The following WWC2 variants were observed in gnomAD, a reference collection of about 807,000 sequenced individuals.
The protein encoded by WWC2 is WW and C2 domain containing 2.
A neutral mutation model predicts 138.5 loss-of-function variants in WWC2; 101 were observed. That is an observed-to-expected ratio of 0.73 (90% CI 0.62 to 0.86). The LOEUF (loss-of-function observed/expected upper bound fraction) is 0.86, where lower values mean the gene tolerates loss of function less well. WWC2 is among the 40% of genes least tolerant of loss of function. The pLI is 0.00. For synonymous variants in WWC2, 558 were observed against 538.4 expected, an observed-to-expected ratio of 1.04 and a Z score of -0.50; for missense variants, 1,420 against 1,419.4, an observed-to-expected ratio of 1.00 and a Z score of -0.01.
At chr4:183,114,462 T>C (rs1732347439) in intron 1 of WWC2, among the ~76,000 whole-genome samples, 1 of 152,160 alleles carries the variant, frequency 6.6e-6, no homozygotes, top group African/African-American at 2.4e-5. Context: ...CACCCAGATA[T>C]AGAATCTTTT....
chr4:183,236,057 C>A (rs55643182), intron 4 of WWC2, among the ~76,000 whole-genome samples: 1 of 152,118 alleles, frequency 6.6e-6, no homozygotes, highest in Non-Finnish European at 1.5e-5. Context: ...GGTCTAGATT[C>A]ATTCTTCTGC....
rs1162696133 is a variant in WWC2, at chr4:183,099,449, C to T, written c.-43C>T. On this transcript the variant is annotated 5_prime_UTR_variant, in exon 1 of 23. Coordinates refer to ENST00000403733, the MANE Select transcript of WWC2 (RefSeq NM_024949.6). ...GCCGCGTTCCCGCCGCGTCCCGCGC[C>T]CGGTACCTATGGAGGCGCCGCTCGC... 3 of 1,223,776 alleles carry T rather than the reference C, an allele frequency of 2.5e-6. No individual in the cohort carries two copies. Among genetic ancestry groups the T allele is most frequent in the African/African-American group, 1.6e-5 (1 of 62,544 alleles). The allele number at this position is 1,223,776 out of a possible 1,614,324, so 75.8% of individuals were successfully genotyped here. A position where few individuals can be genotyped will look rare whatever the true frequency, so the allele number is the denominator to read the frequency against.
chr4:183,286,348 G>A (rs939013951), intron 20 of WWC2, among the ~76,000 whole-genome samples: 2 of 152,130 alleles, frequency 1.3e-5, no homozygotes, highest in African/African-American at 4.8e-5. Context: ...GGTATCAGAC[G>A]ATGGTAGAAC....
chr4:183,191,715 A>AT (rs201197423), intron 1 of WWC2, among the ~76,000 whole-genome samples: 4,411 of 118,508 alleles, frequency 0.037, 215 homozygotes, highest in African/African-American at 0.12. Flanking sequence ...TATTTCTATT[A>AT]TTTTTTTTTA....
chr4:183,177,606 G>A (rs887900376), intron 1 of WWC2, among the ~76,000 whole-genome samples: 1 of 151,978 alleles, frequency 6.6e-6, no homozygotes, highest in African/African-American at 2.4e-5. Context: ...TTTTGTAGAA[G>A]CAGACTATAA....
At chr4:183,166,071 A>G (rs958873000) in intron 1 of WWC2, among the ~76,000 whole-genome samples, 10 of 152,208 alleles carry the variant, frequency 6.6e-5, no homozygotes, top group African/African-American at 2.2e-4. Flanking sequence ...TGTGTTAGTA[A>G]TGAGAACATA....
intron 21 of WWC2, among the ~76,000 whole-genome samples, chr4:183,303,060 C>CAAA (rs35439586): frequency 0.01 from 862 of 82,464 alleles, 15 homozygotes; most frequent in African/African-American, 0.036. Context: ...GACTCCATCT[C>CAAA]AAAAAAAAAA....
At chr4:183,108,317 A>G (rs1364365317) in intron 1 of WWC2, among the ~76,000 whole-genome samples, 1 of 152,126 alleles carries the variant, frequency 6.6e-6, no homozygotes, top group East Asian at 1.9e-4. Flanking sequence ...TGACAATGGC[A>G]TTTTATCTTT....
In WWC2 at chr4:183,315,834, G is replaced by A. The variant is rs1467111722; in HGVS notation, c.*105G>A. ...TTGGTGTTTGGTTTTTTTTGGTAAC[G>A]TAACTGTCAACTCTTGAAGAACTTT... is the stretch of plus-strand genomic sequence containing the variant. On this transcript the variant is annotated 3_prime_UTR_variant, in exon 23 of 23. Coordinates refer to ENST00000403733, the MANE Select transcript of WWC2 (RefSeq NM_024949.6). 8 of 806,424 alleles carry A rather than the reference G, an allele frequency of 9.9e-6. No individual in the cohort carries two copies. The highest frequency in any genetic ancestry group is 3.0e-5 in the Admixed American group (1 of 33,470). 50.0% of individuals were successfully genotyped at this position (806,424 alleles called of 1,614,324 possible).
At chr4:183,174,823 T>C (rs1475636066) in intron 1 of WWC2, among the ~76,000 whole-genome samples, 1 of 151,908 alleles carries the variant, frequency 6.6e-6, no homozygotes, top group Non-Finnish European at 1.5e-5. Flanking sequence ...CTCTCTCTCT[T>C]TTGCGCTCTC....
intron 1 of WWC2, among the ~76,000 whole-genome samples, chr4:183,153,484 A>G (rs1733702868): frequency 2.0e-5 from 3 of 152,184 alleles, no homozygotes; most frequent in Non-Finnish European, 2.9e-5. Flanking sequence ...TTGAAAAGCC[A>G]CTATAATTCA....
At chr4:183,120,097 G>A (rs1732551461) in intron 1 of WWC2, among the ~76,000 whole-genome samples, 1 of 152,110 alleles carries the variant, frequency 6.6e-6, no homozygotes, top group Non-Finnish European at 1.5e-5. Context: ...AGTATAGAAA[G>A]GATGTTTTGC....
chr4:183,234,923 G>C (rs1736369199), intron 4 of WWC2, among the ~76,000 whole-genome samples: 1 of 152,172 alleles, frequency 6.6e-6, no homozygotes, highest in African/African-American at 2.4e-5. Context: ...CTGGGTTAGA[G>C]AACAGAAGAG....
chr4:183,273,461 T>C (rs375383398), intron 16 of WWC2, among the ~76,000 whole-genome samples: 77 of 152,150 alleles, frequency 5.1e-4, no homozygotes, highest in African/African-American at 1.8e-3. Context: ...TGCACCACCA[T>C]GCCCAGCTAA....
rs1440171611 is a variant in WWC2 at position 183,193,767 on chromosome 4, C to T, written c.241+59C>T. ...CAGAAAAGTAATCCCCCAAAACCTACAGTCACACAAAAGAATAAACATGTT... is the reference window on the plus strand; with the variant it reads ...CAGAAAAGTAATCCCCCAAAACCTATAGTCACACAAAAGAATAAACATGTT... On this transcript the variant is annotated intron_variant, in intron 2 of 22. Transcript: ENST00000403733. The T allele has an allele frequency of 6.0e-6, 8 of 1,340,928 alleles. No individual in the cohort carries two copies. In the East Asian group the frequency reaches 1.7e-4, roughly 28 times the overall value. The allele number at this position is 1,340,928 out of a possible 1,614,324, so 83.1% of individuals were successfully genotyped here.
chr4:183,142,499 A>C (rs1178695961), intron 1 of WWC2, among the ~76,000 whole-genome samples: 1 of 152,228 alleles, frequency 6.6e-6, no homozygotes, highest in African/African-American at 2.4e-5. Flanking sequence ...TAATGGAAAG[A>C]AGGTTGACCC....
intron 14 of WWC2, among the ~76,000 whole-genome samples, chr4:183,268,503 G>A (rs545948705): frequency 6.6e-6 from 1 of 152,208 alleles, no homozygotes; most frequent in South Asian, 2.1e-4. Flanking sequence ...TCTCTAGTAG[G>A]ATAATGTATT....
chr4:183,240,593 A>G, intron 5 of WWC2: 1 of 176,378 alleles, frequency 5.7e-6, no homozygotes, highest in Non-Finnish European at 1.2e-5. Context: ...AGGCACAAGA[A>G]ATTCCTCTCC....
At chr4:183,228,653 A>G (rs1021280469) in intron 4 of WWC2, among the ~76,000 whole-genome samples, 4 of 152,158 alleles carry the variant, frequency 2.6e-5, no homozygotes, top group Non-Finnish European at 4.4e-5. Context: ...CAGAAAAGCT[A>G]AAATCCAAAA....
Sources: allele counts gnomAD v4.1 joint callset (sites outside exome capture counted in the v4.1 genomes callset), GRCh38; gene constraint gnomAD v4.1.1; transcripts MANE v1.5; gene names NCBI Gene and HGNC (gene_info 2026-07-23, HGNC 2026-07-21).